MGST1: variants seen among roughly 807,000 people sequenced by gnomAD.
MGST1 encodes glutathione S-transferase 12.
A neutral mutation model predicts 8.9 loss-of-function variants in MGST1; 5 were observed. The observed-to-expected ratio is 0.56, with a 90% CI of 0.29 to 1.19. The LOEUF (loss-of-function observed/expected upper bound fraction) is 1.19, where lower values mean the gene tolerates loss of function less well. Ranked by LOEUF, MGST1 falls within the 50% of genes most tolerant of loss-of-function variation. MGST1 has a pLI of 0.08. For missense variants in MGST1, 182 were observed against 187.4 expected, an observed-to-expected ratio of 0.97 and a Z score of 0.17; for synonymous variants, 54 against 67.8, an observed-to-expected ratio of 0.80 and a Z score of 1.00.
intron 4 of MGST1, among the ~76,000 whole-genome samples, chr12:16,478,323 C>T (rs115975940): frequency 0.019 from 2,895 of 152,240 alleles, 97 homozygotes; most frequent in African/African-American, 0.066. Context: ...TCACCACGCC[C>T]GGCCCTTTCT....
chr12:16,457,564 T>A (rs573544242), intron 4 of MGST1, among the ~76,000 whole-genome samples: 2 of 152,108 alleles, frequency 1.3e-5, no homozygotes, highest in East Asian at 3.9e-4. Context: ...ACACTTTATA[T>A]ATTAGCATTG....
At chr12:16,353,437 A>T (rs1259347125) in intron 1 of MGST1, 1 of 152,200 alleles carries the variant, frequency 6.6e-6, no homozygotes, top group South Asian at 2.1e-4. Context: ...CCTAAAGCCT[A>T]CAGTTTTGAA....
chr12:16,348,785 G>A (rs1393787006), intron 1 of MGST1: 2 of 136,906 alleles, frequency 1.5e-5, no homozygotes, highest in Non-Finnish European at 3.1e-5. Flanking sequence ...CTATGTGTGC[G>A]ATTATCTTTG....
In MGST1 at chr12:16,389,598, T is replaced by A. The variant is rs548291689; in HGVS notation, n.778+5994T>A. On this transcript the variant is annotated intron_variant and non_coding_transcript_variant, in intron 1 of 1. Coordinates refer to the MGST1 transcript ENST00000359720. The surrounding 1 kb of genome is among the most constrained non-coding windows in gnomAD (Gnocchi z 4.6). ...GTTTCCCTGGATTTCCTTGGTCTGGTAGGTGCAGCAATATGACATGAGTAC... is the reference window on the plus strand; with the variant it reads ...GTTTCCCTGGATTTCCTTGGTCTGGAAGGTGCAGCAATATGACATGAGTAC... Among the ~76,000 whole-genome samples, 665 of 152,222 alleles carry A rather than the reference T, an allele frequency of 4.4e-3. 7 individuals are homozygous for A. The highest frequency in any genetic ancestry group is 0.016 in the African/African-American group (644 of 41,532).
At position 16,425,393 on chromosome 12, in the gene MGST1, A is replaced by G. The variant is rs1940876931; in HGVS notation, n.779-11995A>G. The stretch of plus-strand genomic sequence containing the variant: ...CACCTCCTGGGCTCAAGTGATTCTC[A>G]TGCTTCAGCCTCCTCAAGTAGTGAG... On this transcript the variant is annotated intron_variant and non_coding_transcript_variant, in intron 1 of 1. Transcript: ENST00000359720. 2.0e-5 allele frequency among the ~76,000 whole-genome samples: 3 copies of G among 152,024 alleles called. No individual in the cohort carries two copies. In the South Asian group the frequency reaches 6.2e-4, roughly 32 times the overall value.
At position 16,584,564 on chromosome 12, in the gene MGST1, T is replaced by C. The variant is rs149434796; in HGVS notation, n.483-4964T>C. 1.3e-5 allele frequency among the ~76,000 whole-genome samples: 2 copies of C among 151,736 alleles called. No homozygotes were observed. The highest frequency in any genetic ancestry group is 4.9e-5 in the African/African-American group (2 of 41,162). ...AATGGAAACAAGAGACGTTTTAGAT[T>C]AACATTGGCAAGTGGAGGAGTGGGG... On this transcript the variant is annotated intron_variant and non_coding_transcript_variant, in intron 4 of 4. Transcript: ENST00000538857. This position sits in a 1 kb window ranked among gnomAD's most constrained non-coding sequence, Gnocchi z 5.2.
rs143947336 is a variant in MGST1, at chr12:16,349,434, C to T, written c.-23+1724C>T. Among the ~76,000 whole-genome samples, 512 of 152,218 alleles carry T rather than the reference C, an allele frequency of 3.4e-3. 1 individual carries two copies. Among genetic ancestry groups the T allele is most frequent in the African/African-American group, 0.011 (467 of 41,528 alleles). On this transcript the variant is annotated intron_variant, in intron 1 of 3. Coordinates refer to ENST00000396210, the MANE Select transcript of MGST1 (RefSeq NM_020300.5). ...AGGAAAGGCCTCCAGAAGACCAGAG[C>T]TGTTGAGAATTCTTAGCCTTGATGG... is the stretch of plus-strand genomic sequence containing the variant.
At chr12:16,558,422 C>T (rs1350696562) in intron 4 of MGST1, among the ~76,000 whole-genome samples, 1 of 151,998 alleles carries the variant, frequency 6.6e-6, no homozygotes, top group Non-Finnish European at 1.5e-5. Flanking sequence ...AGTTGATCAA[C>T]ATGACAAGTC....
chr12:16,373,063 ATAT>A (rs1230274978), intron 3 of MGST1, among the ~76,000 whole-genome samples: 3 of 137,830 alleles, frequency 2.2e-5, no homozygotes, highest in African/African-American at 5.3e-5. Context: ...ACAAAACAAA[ATAT>A]TATTTGGCCA....
chr12:16,357,669 G>A lies in MGST1; in HGVS notation c.191G>A (p.Arg64Gln), dbSNP rs764640311. The change falls in exon 3 of 4, where the codon CGA (arginine) becomes CAA (glutamine). Residue 64 changes from arginine to glutamine, a missense_variant. Arg to Gln is a conservative substitution (Grantham distance 43). Coordinates refer to ENST00000396210, the MANE Select transcript of MGST1 (RefSeq NM_020300.5). ...GKGENAKKYLRTDDRVERVRR... is the reference protein window; with the variant it reads ...GKGENAKKYLQTDDRVERVRR... Reference sequence around the variant, plus strand: ...GGAGAAAATGCCAAGAAGTATCTTCGAACAGATGACAGAGTAGAACGTGTA... The same window carrying A: ...GGAGAAAATGCCAAGAAGTATCTTCAAACAGATGACAGAGTAGAACGTGTA... 13 of 1,613,884 alleles carry A rather than the reference G, an allele frequency of 8.1e-6. 1 individual carries two copies. In the South Asian group the frequency reaches 8.8e-5, roughly 11 times the overall value.
intron 1 of MGST1, among the ~76,000 whole-genome samples, chr12:16,435,249 G>A (rs1018012049): frequency 1.3e-5 from 2 of 151,498 alleles, no homozygotes; most frequent in African/African-American, 4.8e-5. Flanking sequence ...CATAATAAAA[G>A]AAAAAATACA....
Position 16,410,833 on chromosome 12 carries a change from A to G in MGST1, n.779-26555A>G, listed in dbSNP as rs577401873. On this transcript the variant is annotated intron_variant and non_coding_transcript_variant, in intron 1 of 1. Coordinates refer to the MGST1 transcript ENST00000359720. This position sits in a 1 kb window ranked among gnomAD's most constrained non-coding sequence, Gnocchi z 4.4. ...TTATTCACAAGAATAACGCCTACAT[A>G]TAACTATTTGGTTTGACTCCATTTT... is the stretch of plus-strand genomic sequence containing the variant. 1.5e-3 allele frequency among the ~76,000 whole-genome samples: 232 copies of G among 152,096 alleles called. No individual in the cohort carries two copies. Among genetic ancestry groups the G allele is most frequent in the African/African-American group, 5.4e-3 (226 of 41,530 alleles).
intron 4 of MGST1, among the ~76,000 whole-genome samples, chr12:16,464,499 CTG>C (rs932969877): frequency 2.6e-5 from 4 of 152,136 alleles, no homozygotes; most frequent in South Asian, 2.1e-4. Context: ...TAGCCATGGG[CTG>C]TGTGTGTTTC....
At chr12:16,394,390 TTCTCTC>T (rs1163399419) in intron 1 of MGST1, among the ~76,000 whole-genome samples, 2 of 151,712 alleles carry the variant, frequency 1.3e-5, no homozygotes, top group Non-Finnish European at 2.9e-5. Context: ...TTCTTTTTCT[TTCTCTC>T]TCTTTCTTTC....
chr12:16,434,386 G>A (rs957087353), intron 1 of MGST1, among the ~76,000 whole-genome samples: 5 of 151,772 alleles, frequency 3.3e-5, no homozygotes, highest in Admixed American at 1.3e-4. Context: ...TAGTTCTTCC[G>A]ATCACTTATT....
At chr12:16,419,943 A>T (rs1308836779) in intron 1 of MGST1, among the ~76,000 whole-genome samples, 13 of 152,176 alleles carry the variant, frequency 8.5e-5, no homozygotes. Flanking sequence ...ATGGAGACAT[A>T]TTGGCAGCCG....
rs3029719 is a variant in MGST1, at chr12:16,544,221, TACACACACACACACACACAC to T, written n.483-45283_483-45264del. Among the ~76,000 whole-genome samples the T allele has an allele frequency of 7.2e-6, 1 of 138,790 alleles. No individual in the cohort carries two copies. Among genetic ancestry groups the T allele is most frequent in the Non-Finnish European group, 1.6e-5 (1 of 64,128 alleles). The allele number at this position is 138,790 out of a possible 152,430, so 91.1% of individuals were successfully genotyped here. A position where few individuals can be genotyped will look rare whatever the true frequency, so the allele number is the denominator to read the frequency against. ...TTAAATTGACACCTTAAGTAAGAAC[TACACACACACACACACACAC>T]ACACACACACACACACACACACAAA... On this transcript the variant is annotated intron_variant and non_coding_transcript_variant, in intron 4 of 4. Coordinates refer to the MGST1 transcript ENST00000538857. This position sits in a 1 kb window ranked among gnomAD's most constrained non-coding sequence, Gnocchi z 4.8.
intron 3 of MGST1, among the ~76,000 whole-genome samples, chr12:16,374,071 T>C (rs1416245527): frequency 6.6e-6 from 1 of 152,064 alleles, no homozygotes; most frequent in Non-Finnish European, 1.5e-5. Flanking sequence ...TATGCAGATA[T>C]CATGATACAT....
intron 4 of MGST1, among the ~76,000 whole-genome samples, chr12:16,481,197 G>T (rs1941362277): frequency 6.6e-6 from 1 of 152,152 alleles, no homozygotes; most frequent in South Asian, 2.1e-4. Flanking sequence ...CCTTAAATGT[G>T]TTGATGTTTC....
Sources: gnomAD v4.1 joint callset for allele counts (sites outside exome capture counted in the v4.1 genomes callset) on GRCh38, gnomAD v4.1.1 for gene constraint, Gnocchi (gnomAD v3.1) non-coding constraint, MANE v1.5 for transcripts, NCBI Gene and HGNC (gene_info 2026-07-23, HGNC 2026-07-21) for gene names.